KCTD21: variants seen among roughly 807,000 people sequenced by gnomAD.
KCTD21 encodes potassium channel tetramerization domain containing 21.
A neutral mutation model predicts 13.2 loss-of-function variants in KCTD21; 9 were observed. The ratio of observed to expected loss-of-function variants is 0.68; its 90% CI spans 0.41 to 1.19. The LOEUF (loss-of-function observed/expected upper bound fraction) is 1.19. Ranked by LOEUF, KCTD21 falls within the 50% of genes most tolerant of loss-of-function variation. The pLI, the probability that KCTD21 is intolerant of heterozygous loss-of-function variation, is 0.01. For synonymous variants in KCTD21, 142 were observed against 137.4 expected, an observed-to-expected ratio of 1.03 and a Z score of -0.23; for missense variants, 303 against 336.5, an observed-to-expected ratio of 0.90 and a Z score of 0.78.
intron 1 of KCTD21, among the ~76,000 whole-genome samples, chr11:78,182,406 G>A (rs1199439635): frequency 6.6e-6 from 1 of 151,496 alleles, no homozygotes; most frequent in Non-Finnish European, 1.5e-5. Context: ...TGGAAGCACT[G>A]ATGACTGATA....
intron 1 of KCTD21, among the ~76,000 whole-genome samples, chr11:78,186,357 G>GT (rs1375981651): frequency 9.7e-6 from 1 of 102,788 alleles, no homozygotes; most frequent in Non-Finnish European, 1.8e-5. Flanking sequence ...GGGCAACAGA[G>GT]TAAGACCCTG....
intron 1 of KCTD21, chr11:78,176,828 T>TACAACAA (rs1555081603): frequency 1.3e-5 from 2 of 148,308 alleles, no homozygotes; most frequent in African/African-American, 5.0e-5. Flanking sequence ...ATCCTGTCTC[T>TACAACAA]ACAACAACAA....
At chr11:78,181,359 C>G (rs924818870) in intron 1 of KCTD21, among the ~76,000 whole-genome samples, 1 of 152,182 alleles carries the variant, frequency 6.6e-6, no homozygotes. Context: ...TTACCACATA[C>G]ATGAATTTCA....
At position 78,173,005 on chromosome 11, in the gene KCTD21, A is replaced by G. The variant is rs931404580; in HGVS notation, c.*767T>C. 2 of 152,634 alleles carry G rather than the reference A, an allele frequency of 1.3e-5. No individual in the cohort carries two copies. The highest frequency in any genetic ancestry group is 4.8e-5 in the African/African-American group (2 of 41,446). The allele number at this position is 152,634 out of a possible 1,614,324, so 9.5% of individuals were successfully genotyped here. A position where few individuals can be genotyped will look rare whatever the true frequency, so the allele number is the denominator to read the frequency against. On this transcript the variant is annotated 3_prime_UTR_variant, in exon 2 of 2. Transcript: ENST00000340067. ...CTCAAATTTTTGGGAAAACAATGAC[A>G]AAAGTCAGGTAACAGGCTGGATTTG...
chr11:78,188,012 C>T, intron 1 of KCTD21: 1 of 985,406 alleles, frequency 1.0e-6, no homozygotes, highest in South Asian at 4.7e-5. Flanking sequence ...GCACTGAACT[C>T]GGGGATGGAC....
chr11:78,178,151 G>A (rs1409857578), intron 1 of KCTD21, among the ~76,000 whole-genome samples: 1 of 144,156 alleles, frequency 6.9e-6, no homozygotes, highest in Non-Finnish European at 1.5e-5. Flanking sequence ...TTTTGAGATG[G>A]AGTCTCGCTC....
At chr11:78,187,940 A>G (rs887775910) in intron 1 of KCTD21, 1 of 985,080 alleles carries the variant, frequency 1.0e-6, no homozygotes, top group African/African-American at 1.7e-5. Context: ...TCACCTGTCA[A>G]CCGCTATAGT....
At chr11:78,179,778 T>C (rs1416593613) in intron 1 of KCTD21, among the ~76,000 whole-genome samples, 1 of 151,906 alleles carries the variant, frequency 6.6e-6, no homozygotes, top group Admixed American at 6.6e-5. Flanking sequence ...AGACCACCCC[T>C]GTCTACCTTC....
At chr11:78,185,303 T>A (rs1156696477) in intron 1 of KCTD21, among the ~76,000 whole-genome samples, 5 of 152,176 alleles carry the variant, frequency 3.3e-5, no homozygotes, top group Admixed American at 6.5e-5. Flanking sequence ...AGCTTGAAAA[T>A]TTTAAAAATA....
At chr11:78,174,810 G>C in intron 1 of KCTD21, 1 of 424,212 alleles carries the variant, frequency 2.4e-6, no homozygotes, top group Non-Finnish European at 4.2e-6. Context: ...GAAAGAAAGG[G>C]AAGGACCCCT....
chr11:78,174,205 T>G lies in KCTD21; in HGVS notation c.350A>C (p.Asn117Thr), dbSNP rs1347768354. 1 of 1,613,884 alleles carries G rather than the reference T, an allele frequency of 6.2e-7. No individual in the cohort carries two copies. Residue 117 changes from asparagine (N) to threonine (T), a missense_variant, in exon 2 of 2, where the codon AAC (asparagine) becomes ACC (threonine). Coordinates refer to ENST00000340067, the MANE Select transcript of KCTD21 (RefSeq NM_001029859.3). The stretch of plus-strand genomic sequence containing the variant: ...GAAGTGGACCGTCTGCACACGCTGG[T>G]TCAGTGTGATGTTGAGCATGGCATT... ...EKNAMLNITL[N>T]QRVQTVHFTV...
intron 1 of KCTD21, among the ~76,000 whole-genome samples, chr11:78,184,004 A>C (rs552496309): frequency 5.1e-4 from 78 of 152,338 alleles, no homozygotes; most frequent in South Asian, 2.5e-3. Flanking sequence ...GAAAATTACC[A>C]ATTTGCAACC....
At chr11:78,177,014 A>G (rs567541654) in intron 1 of KCTD21, 3 of 152,392 alleles carry the variant, frequency 2.0e-5, no homozygotes, top group African/African-American at 4.8e-5. Context: ...TCCGGTCTCA[A>G]AAAACAAACA....
At position 78,175,728 on chromosome 11, in the gene KCTD21, T is replaced by A. The variant is rs183404069; in HGVS notation, c.-29-1145A>T. Among the ~76,000 whole-genome samples, 451 of 152,330 alleles carry A rather than the reference T, an allele frequency of 3.0e-3. 3 individuals carry two copies. The highest frequency in any genetic ancestry group is 9.9e-3 in the African/African-American group (410 of 41,566). ...CTGCAAATGACAATCCTGTTTTTTT[T>A]AAATTTTTTTAAATTTTATTATTAT... On this transcript the variant is annotated intron_variant, in intron 1 of 1. Transcript: ENST00000340067.
rs1420297134 is a variant in KCTD21 at position 78,173,389 on chromosome 11, C to T, written c.*383G>A. ...GGTAGCCTCTTGTTCTCATCCCATC[C>T]TCTCCACCAGGGCCTTCTTACAGAT... On this transcript the variant is annotated 3_prime_UTR_variant, in exon 2 of 2. Coordinates refer to ENST00000340067, the MANE Select transcript of KCTD21 (RefSeq NM_001029859.3). The T allele has an allele frequency of 1.1e-5, 2 of 182,456 alleles. No individual in the cohort carries two copies. The highest frequency in any genetic ancestry group is 1.2e-5 in the Non-Finnish European group (1 of 85,328). The allele number at this position is 182,456 out of a possible 1,614,324, so 11.3% of individuals were successfully genotyped here. A position where few individuals can be genotyped will look rare whatever the true frequency, so the allele number is the denominator to read the frequency against.
At chr11:78,187,290 T>A (rs1175481404) in intron 1 of KCTD21, 1 of 985,148 alleles carries the variant, frequency 1.0e-6, no homozygotes, top group African/African-American at 1.7e-5. Context: ...CCACCCCACA[T>A]CAAAGAGCTG....
chr11:78,178,645 G>A (rs1862526018), intron 1 of KCTD21, among the ~76,000 whole-genome samples: 1 of 152,170 alleles, frequency 6.6e-6, no homozygotes, highest in African/African-American at 2.4e-5. Flanking sequence ...AAGTGAGGCA[G>A]GAGAACAAGG....
At chr11:78,178,942 T>C (rs937761127) in intron 1 of KCTD21, among the ~76,000 whole-genome samples, 9 of 152,182 alleles carry the variant, frequency 5.9e-5, no homozygotes, top group African/African-American at 1.2e-4. Context: ...AGGGGGGCCT[T>C]GGATTGGGAC....
rs144496586 is a variant in KCTD21, at chr11:78,179,926, C to T, written c.-29-5343G>A. 6.9e-3 allele frequency among the ~76,000 whole-genome samples: 1,053 copies of T among 152,318 alleles called. 15 individuals are homozygous for T. Among genetic ancestry groups the T allele is most frequent in the African/African-American group, 0.023 (971 of 41,568 alleles). The stretch of plus-strand genomic sequence containing the variant: ...CCTTGCACAACCCCCTCTGGCAGCA[C>T]CCAGCATTCCACCTGCAGCGATCTC... On this transcript the variant is annotated intron_variant, in intron 1 of 1. Transcript: ENST00000340067.
Sources: gnomAD v4.1 joint callset for allele counts (sites outside exome capture counted in the v4.1 genomes callset) on GRCh38, gnomAD v4.1.1 for gene constraint, MANE v1.5 for transcripts, NCBI Gene and HGNC (gene_info 2026-07-23, HGNC 2026-07-21) for gene names.